Variants in TUBA3E observed in about 807,000 individuals in gnomAD.
The protein encoded by TUBA3E is tubulin alpha-3E chain.
Under a neutral mutation model 36.7 loss-of-function variants are expected in TUBA3E, and 21 were observed. The observed-to-expected ratio is 0.57, with a 90% CI of 0.41 to 0.83. The LOEUF (loss-of-function observed/expected upper bound fraction) is 0.83, where lower values mean the gene tolerates loss of function less well. Ranked by LOEUF, TUBA3E falls within the 40% of genes least tolerant of loss-of-function variation. TUBA3E has a pLI of 0.00. For missense variants in TUBA3E, 469 were observed against 604.2 expected, an observed-to-expected ratio of 0.78 and a Z score of 2.35; for synonymous variants, 177 against 241.9, an observed-to-expected ratio of 0.73 and a Z score of 2.49.
intron 3 of TUBA3E, 58 bp from the exon 4 acceptor site, chr2:130,194,524 A>G: frequency 6.7e-7 from 1 of 1,496,028 alleles, no homozygotes; most frequent in Non-Finnish European, 9.0e-7. Flanking sequence ...ACCAACCTCC[A>G]ACAAGCCAGG....
intron 3 of TUBA3E, among the ~76,000 whole-genome samples, chr2:130,194,717 G>C (rs2314001): frequency 6.6e-6 from 1 of 152,114 alleles, no homozygotes; most frequent in African/African-American, 2.4e-5. Context: ...TTGCTCTGTT[G>C]CCCAGGTTAG....
chr2:130,195,616 G>A (rs1690385194), intron 2 of TUBA3E, among the ~76,000 whole-genome samples: 1 of 152,234 alleles, frequency 6.6e-6, no homozygotes. Flanking sequence ...AGTCCCATCA[G>A]GGCACCCTGG....
chr2:130,197,128 C>T (rs1470781647), intron 1 of TUBA3E, among the ~76,000 whole-genome samples: 4 of 152,182 alleles, frequency 2.6e-5, no homozygotes, highest in East Asian at 1.9e-4. Context: ...CCCCTTGAAG[C>T]CTACGGGTGT....
intron 4 of TUBA3E, among the ~76,000 whole-genome samples, chr2:130,192,402 A>C (rs1200953157): frequency 6.6e-6 from 1 of 152,160 alleles, no homozygotes; most frequent in African/African-American, 2.4e-5. Flanking sequence ...TGCCCAGGTG[A>C]AGACAGTCTT....
chr2:130,191,994 A>G lies in TUBA3E; in HGVS notation c.1190T>C (p.Leu397Pro). The change falls in exon 5 of 5, where the codon CTC becomes CCC. Residue 397 changes from leucine (L) to proline (P), a missense_variant. Coordinates refer to ENST00000312988, the MANE Select transcript of TUBA3E (RefSeq NM_207312.3). ...CACAAAGGCCCACTTGGCATACATGAGATCGAACTTATGGACCAGGCGGGC... is the reference window on the plus strand; with the variant it reads ...CACAAAGGCCCACTTGGCATACATGGGATCGAACTTATGGACCAGGCGGGC... ...AWARLVHKFD[L>P]MYAKWAFVHW... is the part of the protein sequence containing the mutation. 2 of 1,613,990 alleles carry G rather than the reference A, an allele frequency of 1.2e-6. No individual in the cohort carries two copies. Among genetic ancestry groups the G allele is most frequent in the South Asian group, 2.2e-5 (2 of 91,062 alleles).
chr2:130,197,590 C>A (rs192647653), intron 1 of TUBA3E, among the ~76,000 whole-genome samples: 2 of 126,164 alleles, frequency 1.6e-5, no homozygotes, highest in African/African-American at 5.4e-5. Context: ...ACTTGGGAAT[C>A]TGTTATGTTA....
chr2:130,194,629 C>G (rs544387697), intron 3 of TUBA3E, among the ~76,000 whole-genome samples, 163 bp from the exon 4 acceptor site: 2 of 152,188 alleles, frequency 1.3e-5, no homozygotes, highest in African/African-American at 4.8e-5. Flanking sequence ...CAAAGATCTA[C>G]GGACAAATCA....
At chr2:130,193,707 A>G in intron 4 of TUBA3E, 79 bp downstream of exon 4, 1 of 1,534,596 alleles carries the variant, frequency 6.5e-7, no homozygotes, top group Middle Eastern at 1.8e-4. Flanking sequence ...AGTCTCCCCA[A>G]AGGATGTGGG....
chr2:130,192,067 G>A lies in TUBA3E; in HGVS notation c.1117C>T (p.Arg373Trp), dbSNP rs765501494. 21 of 1,612,546 alleles carry A rather than the reference G, an allele frequency of 1.3e-5. No individual in the cohort carries two copies. Among genetic ancestry groups the A allele is most frequent in the Middle Eastern group, 1.6e-4 (1 of 6,070 alleles). ...GTGTTGCTCAGCATGCACACGGCCC[G>A]CTGCACCTTGGCCAGGTCTCCCCCG... ...VPGGDLAKVQ[R>W]AVCMLSNTTA... is the part of the protein sequence containing the mutation. The change falls in exon 5 of 5, where the codon CGG (arginine) becomes TGG (tryptophan). Residue 373 changes from arginine to tryptophan, a missense_variant. This residue lies in a region of TUBA3E where 296 missense variants were observed against 346.9 expected (regional missense o/e 0.85). Coordinates refer to ENST00000312988, the MANE Select transcript of TUBA3E (RefSeq NM_207312.3).
Position 130,196,351 on chromosome 2 carries a change from G to C in TUBA3E, c.24C>G (p.His8Gln). The part of the protein sequence containing the change: MRECISI[H>Q]VGQAGVQIGN... ...CGATCTGGACACCCGCCTGCCCCAC[G>C]TGGATAGAGATACACTCGCGCTGTG... Residue 8 changes from histidine to glutamine, a missense_variant, in exon 2 of 5, where the codon CAC (histidine) becomes CAG (glutamine). This residue lies in a region of TUBA3E where 169 missense variants were observed against 239.0 expected (regional missense o/e 0.71). Transcript: ENST00000312988. The C allele has an allele frequency of 6.2e-7, 1 of 1,613,802 alleles. No individual in the cohort carries two copies. Among genetic ancestry groups the C allele is most frequent in the Non-Finnish European group, 8.5e-7 (1 of 1,179,820 alleles).
Position 130,193,819 on chromosome 2 carries a change from G to T in TUBA3E, c.1023C>A (p.Ile341=). ...CAGTCGGGCACCAATCCACAAACTGGATAGTGCGCTTGGTCTTGATGGTGG... is the reference window on the plus strand; with the variant it reads ...CAGTCGGGCACCAATCCACAAACTGTATAGTGCGCTTGGTCTTGATGGTGG... ...AIATIKTKRT[I]QFVDWCPTGF... The change falls in exon 4 of 5, where the codon ATC becomes ATA. Residue 341 remains isoleucine, a synonymous_variant. Transcript: ENST00000312988. The T allele has an allele frequency of 6.2e-7, 1 of 1,613,204 alleles. No homozygotes were observed. Among genetic ancestry groups the T allele is most frequent in the Non-Finnish European group, 8.5e-7 (1 of 1,179,322 alleles).
intron 1 of TUBA3E, among the ~76,000 whole-genome samples, chr2:130,197,013 C>T (rs1690423646): frequency 6.6e-6 from 1 of 152,202 alleles, no homozygotes; most frequent in South Asian, 2.1e-4. Flanking sequence ...CCTTCCTGCT[C>T]AACTGCTGTG....
Position 130,194,371 on chromosome 2 carries a change from G to A in TUBA3E, c.471C>T (p.Leu157=). ...SGFASLLMER[L]SVDYSKKSKL... ...TGGACTTCTTGCTGTAATCCACTGAGAGCCGCTCCATGAGCAGAGATGCGA... is the reference window on the plus strand; with the variant it reads ...TGGACTTCTTGCTGTAATCCACTGAAAGCCGCTCCATGAGCAGAGATGCGA... The change falls in exon 4 of 5, where the codon CTC becomes CTT. Residue 157 remains leucine (L), a synonymous_variant. Coordinates refer to ENST00000312988, the MANE Select transcript of TUBA3E (RefSeq NM_207312.3). 1 of 1,613,300 alleles carries A rather than the reference G, an allele frequency of 6.2e-7. No individual in the cohort carries two copies. The highest frequency in any genetic ancestry group is 8.5e-7 in the Non-Finnish European group (1 of 1,179,902).
At chr2:130,192,177 GA>G in intron 4 of TUBA3E, 50 bp from the exon 5 acceptor site, 1 of 1,553,166 alleles carries the variant, frequency 6.4e-7, no homozygotes, top group East Asian at 2.3e-5. Context: ...ATCAAACCTA[GA>G]AATGGTAGCT....
chr2:130,196,787 C>G (rs1362459784), intron 1 of TUBA3E, among the ~76,000 whole-genome samples: 1 of 152,180 alleles, frequency 6.6e-6, no homozygotes, highest in Non-Finnish European at 1.5e-5. Context: ...CACCATGGTC[C>G]AAGCCCAGGT....
At position 130,195,144 on chromosome 2, in the gene TUBA3E, C is replaced by T. The variant is rs150263746; in HGVS notation, c.310G>A (p.Ala104Thr). Residue 104 changes from alanine to threonine, a missense_variant, in exon 3 of 5, where the codon GCC becomes ACC. Ala to Thr is a moderately conservative substitution (Grantham distance 58). Transcript: ENST00000312988. ...TTGCCGATGGTGTAATGGCCCCTGG[C>T]GTAATTACTGGCTGCATCTTCCTTC... ...TGKEDAASNYARGHYTIGKEI... is the reference protein window; with the variant it reads ...TGKEDAASNYTRGHYTIGKEI... 65 of 1,613,592 alleles carry T rather than the reference C, an allele frequency of 4.0e-5. No homozygotes were observed. In the African/African-American group the frequency reaches 5.5e-4, roughly 14 times the overall value.
chr2:130,195,375 G>C (rs1690379966), intron 2 of TUBA3E, 148 bp from the exon 3 acceptor site: 1 of 1,289,014 alleles, frequency 7.8e-7, no homozygotes, highest in Non-Finnish European at 1.1e-6. Context: ...GTGTCTGGTA[G>C]AAAATGTCTC....
At chr2:130,193,053 A>G (rs1690305629) in intron 4 of TUBA3E, among the ~76,000 whole-genome samples, 1 of 151,110 alleles carries the variant, frequency 6.6e-6, no homozygotes, top group African/African-American at 2.4e-5. Context: ...AGATCGTGCC[A>G]CTGCATTCCA....
At chr2:130,196,802 AGT>A (rs1690418065) in intron 1 of TUBA3E, among the ~76,000 whole-genome samples, 1 of 152,186 alleles carries the variant, frequency 6.6e-6, no homozygotes, top group Non-Finnish European at 1.5e-5. Context: ...CCAGGTGCTC[AGT>A]GTGTGTCCTC....
Sources: allele counts gnomAD v4.1 joint callset (sites outside exome capture counted in the v4.1 genomes callset), GRCh38; gene constraint gnomAD v4.1.1; regional missense constraint gnomAD v4.1.1; transcripts MANE v1.5; gene names NCBI Gene and HGNC (gene_info 2026-07-23, HGNC 2026-07-21).